The following GLOD4 variants were observed in gnomAD, a reference collection of about 807,000 sequenced individuals.
The protein encoded by GLOD4 is glyoxalase domain containing 4.
A neutral mutation model predicts 39.1 loss-of-function variants in GLOD4; 44 were observed. The ratio of observed to expected loss-of-function variants is 1.13; its 90% CI spans 0.88 to 1.45. The LOEUF (loss-of-function observed/expected upper bound fraction) is 1.45. Ranked by LOEUF, GLOD4 falls within the 40% of genes most tolerant of loss-of-function variation. The probability of loss-of-function intolerance (pLI) is 0.00; values close to 1 mark genes in which losing one functional copy is unlikely to be tolerated. For missense variants in GLOD4, 405 were observed against 366.4 expected (o/e 1.11, Z -0.86); for synonymous variants, 145 against 135.0 (o/e 1.07, Z -0.52).
In GLOD4 at chr17:766,320, G is replaced by T. The variant is rs575579676; in HGVS notation, c.831+3549C>A. Among the ~76,000 whole-genome samples the T allele has an allele frequency of 3.0e-3, 446 of 150,084 alleles. 1 individual carries two copies. Among genetic ancestry groups the T allele is most frequent in the Non-Finnish European group, 5.5e-3 (370 of 67,564 alleles). ...CTTAAAAAAAAAAAAATGGGCCCAG[G>T]CGTGGTGGCTCACGCCTGTAATCCC... On this transcript the variant is annotated intron_variant, in intron 8 of 8. Transcript: ENST00000301329.
chr17:765,200 C>G (rs891112374), intron 8 of GLOD4: 2 of 150,906 alleles, frequency 1.3e-5, no homozygotes, highest in African/African-American at 4.8e-5. Context: ...CATGAGGGAA[C>G]TTCCTGGGAA....
At chr17:783,241 A>G (rs1247806152), upstream of GLOD4, 2 of 1,614,024 alleles carry the variant, frequency 1.2e-6, no homozygotes, top group South Asian at 2.2e-5. Flanking sequence ...TTGCCAGTCG[A>G]TAAGCTGAAA....
chr17:782,936 C>T, upstream of GLOD4: 1 of 1,216,142 alleles, frequency 8.2e-7, no homozygotes, highest in Non-Finnish European at 1.1e-6. Flanking sequence ...GATCCGCCCG[C>T]CTCGGCCTCC....
intron 4 of GLOD4, among the ~76,000 whole-genome samples, chr17:773,325 A>T (rs1421461868): frequency 6.6e-6 from 1 of 152,222 alleles, no homozygotes; most frequent in Admixed American, 6.5e-5. Flanking sequence ...ACAATAAAAC[A>T]CTAGGAACGA....
intron 8 of GLOD4, among the ~76,000 whole-genome samples, chr17:767,030 T>C (rs1906699133): frequency 1.3e-5 from 2 of 152,268 alleles, no homozygotes; most frequent in Admixed American, 6.5e-5. Context: ...GTATTTTCTA[T>C]ACATTGCCTG....
intron 5 of GLOD4, 188 bp from the exon 6 acceptor site, chr17:770,695 G>GT (rs71145772): frequency 0.32 from 117,787 of 371,056 alleles, 10,699 homozygotes; most frequent in South Asian, 0.42. Context: ...ACGCATCTAT[G>GT]TTTTTTTTTT....
At chr17:782,474 G>A, upstream of GLOD4, 2 of 1,613,814 alleles carry the variant, frequency 1.2e-6, no homozygotes, top group Admixed American at 1.7e-5. Flanking sequence ...GGGTCCGGGC[G>A]CTGCGGCGGA....
intron 8 of GLOD4, chr17:764,601 T>C (rs139185807): frequency 2.6e-5 from 4 of 152,074 alleles, no homozygotes; most frequent in African/African-American, 9.6e-5. Context: ...ATAAACCAAA[T>C]GTCCACCATT....
At chr17:784,320 C>G (rs79661495), upstream of GLOD4, among the ~76,000 whole-genome samples, 366 of 152,328 alleles carry the variant, frequency 2.4e-3, 2 homozygotes, top group African/African-American at 8.4e-3. Context: ...GCTCTTAGAT[C>G]CTAGGATGGG....
At chr17:777,282 G>A in intron 2 of GLOD4, 1 of 406,096 alleles carries the variant, frequency 2.5e-6, no homozygotes, top group South Asian at 3.2e-5. Context: ...TTATTTCCTT[G>A]ACTATCAATC....
At chr17:776,692 A>C (rs1206218620) in intron 3 of GLOD4, among the ~76,000 whole-genome samples, 176 bp downstream of exon 3, 1 of 152,060 alleles carries the variant, frequency 6.6e-6, no homozygotes, top group Non-Finnish European at 1.5e-5. Context: ...TTGCCAGAAT[A>C]TTCTCTGCCT....
rs1215277195 is a variant in GLOD4, at chr17:759,918, A to T, written c.*255T>A. The T allele has an allele frequency of 2.2e-6, 1 of 448,418 alleles. No homozygotes were observed. The highest frequency in any genetic ancestry group is 3.7e-5 in the East Asian group (1 of 27,208). The allele number at this position is 448,418 out of a possible 1,614,324, so 27.8% of individuals were successfully genotyped here. On this transcript the variant is annotated 3_prime_UTR_variant, in exon 9 of 9. Coordinates refer to ENST00000301329, the MANE Select transcript of GLOD4 (RefSeq NM_016080.4). ...GACAATCATCTGTCACTCATCCAAC[A>T]CAGTTATATACAGAATGCGCAGTCC...
chr17:767,599 C>A (rs1388467608), intron 8 of GLOD4, among the ~76,000 whole-genome samples: 2 of 139,522 alleles, frequency 1.4e-5, no homozygotes, highest in African/African-American at 2.7e-5. Context: ...AAGAAGAAAT[C>A]TAGAGAGGAC....
intron 8 of GLOD4, chr17:764,184 G>C (rs1335904683): frequency 6.6e-6 from 1 of 152,136 alleles, no homozygotes; most frequent in Non-Finnish European, 1.5e-5. Flanking sequence ...ACCTCTGTGG[G>C]GCCGAGCTGG....
In GLOD4 at chr17:771,395, A is replaced by G; in HGVS notation, c.473T>C (p.Leu158Pro). ...TTTTTCATAAATTTTCATTCCCAGT[A>G]GATTACACCAGTAGTTCAAGGACTT... ...LQKSLNYWCNLLGMKIYEKDE... is the reference protein window; with the variant it reads ...LQKSLNYWCNPLGMKIYEKDE... The change falls in exon 5 of 9, where the codon CTA becomes CCA. Residue 158 changes from leucine to proline, a missense_variant. By Grantham distance (98) the Leu-to-Pro change is moderately conservative. Transcript: ENST00000301329. 1 of 1,581,046 alleles carries G rather than the reference A, an allele frequency of 6.3e-7. No homozygotes were observed. The highest frequency in any genetic ancestry group is 2.2e-5 in the East Asian group (1 of 44,592).
In GLOD4 at chr17:779,420, G is replaced by A. The variant is rs145914866; in HGVS notation, c.91-676C>T. Among the ~76,000 whole-genome samples, 283 of 150,110 alleles carry A rather than the reference G, an allele frequency of 1.9e-3. 3 individuals are homozygous for A. The highest frequency in any genetic ancestry group is 6.2e-3 in the African/African-American group (254 of 40,780). Reference sequence around the variant, plus strand: ...TGAGGTGGGCAGATCACCTGAGGTCGGGAGTTCGAGACCAGCCTAGCCAAC... The same window carrying A: ...TGAGGTGGGCAGATCACCTGAGGTCAGGAGTTCGAGACCAGCCTAGCCAAC... On this transcript the variant is annotated intron_variant, in intron 1 of 8. Transcript: ENST00000301329.
chr17:768,448 G>A (rs1907170058), intron 8 of GLOD4, among the ~76,000 whole-genome samples: 1 of 144,850 alleles, frequency 6.9e-6, no homozygotes, highest in Non-Finnish European at 1.5e-5. Context: ...GGACATAAGA[G>A]GGAGAAACAG....
At chr17:782,767 G>A, upstream of GLOD4, 1 of 1,443,996 alleles carries the variant, frequency 6.9e-7, no homozygotes, top group Non-Finnish European at 9.3e-7. Flanking sequence ...ACCTCCTTCC[G>A]ATGGAGGACT....
chr17:769,872 A>T lies in GLOD4; in HGVS notation c.828T>A (p.Asp276Glu). ...KMDPEGSKLL[D>E]DAMAADKSDE... is the part of the protein sequence containing the mutation. Reference sequence around the variant, plus strand: ...TAAATGTAGAAATGGGACTCACATCATCCAACAATTTGCTTCCCTCTGGAT... The same window carrying T: ...TAAATGTAGAAATGGGACTCACATCTTCCAACAATTTGCTTCCCTCTGGAT... Residue 276 changes from aspartate to glutamate, a missense_variant, in exon 8 of 9, where the codon GAT becomes GAA. Coordinates refer to ENST00000301329, the MANE Select transcript of GLOD4 (RefSeq NM_016080.4). 1.3e-6 allele frequency: 2 copies of T among 1,562,026 alleles called. No individual in the cohort carries two copies. The highest frequency in any genetic ancestry group is 8.8e-7 in the Non-Finnish European group (1 of 1,132,468).
Sources: gnomAD v4.1 joint callset for allele counts (sites outside exome capture counted in the v4.1 genomes callset) on GRCh38, gnomAD v4.1.1 for gene constraint, MANE v1.5 for transcripts, NCBI Gene and HGNC (gene_info 2026-07-23, HGNC 2026-07-21) for gene names.